CCDC171: variants seen among roughly 807,000 people sequenced by gnomAD.
The protein encoded by CCDC171 is coiled-coil domain containing 171.
In CCDC171, 177 loss-of-function variants were observed where a neutral mutation model predicts 168.2. The observed-to-expected ratio is 1.05, with a 90% CI of 0.93 to 1.19. CCDC171 has a LOEUF of 1.19. Ranked by LOEUF, CCDC171 falls within the 50% of genes most tolerant of loss-of-function variation. The pLI is 0.00. For missense variants in CCDC171, 1,991 were observed against 1,539.0 expected (o/e 1.29, Z -4.91); for synonymous variants, 687 against 540.8 (o/e 1.27, Z -3.75).
chr9:16,058,608 T>C (rs1833881091), intron 1 of CCDC171, among the ~76,000 whole-genome samples: 1 of 152,300 alleles, frequency 6.6e-6, no homozygotes, highest in South Asian at 2.1e-4. Flanking sequence ...ATTCAGAAAC[T>C]GGAGAAGCAG....
intron 7 of CCDC171, among the ~76,000 whole-genome samples, chr9:15,625,399 T>C (rs1215534436): frequency 6.6e-6 from 1 of 152,220 alleles, no homozygotes; most frequent in African/African-American, 2.4e-5. Flanking sequence ...CCCATGCCTA[T>C]GTCCTGAATG....
chr9:15,614,147 C>A (rs1313976890), intron 6 of CCDC171, among the ~76,000 whole-genome samples: 5 of 152,224 alleles, frequency 3.3e-5, no homozygotes, highest in Admixed American at 2.0e-4. Context: ...AGATGAGAGA[C>A]TGAGGCCTTC....
At chr9:15,796,166 A>G (rs2058546321) in intron 21 of CCDC171, among the ~76,000 whole-genome samples, 1 of 152,230 alleles carries the variant, frequency 6.6e-6, no homozygotes, top group South Asian at 2.1e-4. Flanking sequence ...AGGTATGAAT[A>G]GAAGTTGTAA....
Position 16,052,263 on chromosome 9 carries a change from G to C in CCDC171, n.90-8383G>C, listed in dbSNP as rs188433127. ...GCTCTGAGGAGGCCCTCTTGGTCCT[G>C]GTGTGATCCCTGCTGCTGTTTCTCC... On this transcript the variant is annotated intron_variant and non_coding_transcript_variant, in intron 1 of 1. Transcript: ENST00000478913. 2.0e-5 allele frequency among the ~76,000 whole-genome samples: 3 copies of C among 152,248 alleles called. No homozygotes were observed. The East Asian group carries it at 5.8e-4, about 29-fold the overall frequency.
chr9:15,789,914 C>G (rs2058165419), intron 21 of CCDC171, among the ~76,000 whole-genome samples: 1 of 152,122 alleles, frequency 6.6e-6, no homozygotes, highest in African/African-American at 2.4e-5. Context: ...ATCCATGTCC[C>G]TATAAAGGAC....
At chr9:16,010,722 T>C (rs962198688) in intron 3 of CCDC171, among the ~76,000 whole-genome samples, 1 of 148,498 alleles carries the variant, frequency 6.7e-6, no homozygotes, top group Admixed American at 6.9e-5. Flanking sequence ...TGTAGTGTTA[T>C]TTGGTATTCC....
At chr9:15,956,199 A>G (rs1422245213) in intron 25 of CCDC171, among the ~76,000 whole-genome samples, 2 of 152,180 alleles carry the variant, frequency 1.3e-5, no homozygotes, top group African/African-American at 4.8e-5. Context: ...TGTCTTTGAA[A>G]GCTTGGAGCA....
At chr9:15,673,529 C>A (rs900445297) in intron 9 of CCDC171, among the ~76,000 whole-genome samples, 1 of 152,124 alleles carries the variant, frequency 6.6e-6, no homozygotes, top group African/African-American at 2.4e-5. Flanking sequence ...TCCATCAATA[C>A]CTAGTTCATT....
At chr9:16,020,438 T>G (rs1833131775) in intron 3 of CCDC171, among the ~76,000 whole-genome samples, 1 of 152,220 alleles carries the variant, frequency 6.6e-6, no homozygotes, top group South Asian at 2.1e-4. Flanking sequence ...CTTTACAATT[T>G]CATGAAGAAA....
intron 21 of CCDC171, among the ~76,000 whole-genome samples, chr9:15,802,274 G>C (rs2058861844): frequency 6.6e-6 from 1 of 151,682 alleles, no homozygotes; most frequent in Middle Eastern, 3.4e-3. Context: ...TTAAGTTTAG[G>C]GGTACATGTG....
intron 1 of CCDC171, among the ~76,000 whole-genome samples, chr9:16,049,804 A>G (rs939522740): frequency 6.6e-5 from 10 of 152,192 alleles, no homozygotes; most frequent in African/African-American, 2.4e-4. Flanking sequence ...ATCTATATCA[A>G]TATCCTATTG....
chr9:15,636,180 C>G (rs1264223395), intron 7 of CCDC171, among the ~76,000 whole-genome samples: 1 of 151,904 alleles, frequency 6.6e-6, no homozygotes, highest in Non-Finnish European at 1.5e-5. Flanking sequence ...CTATAAGATG[C>G]TAACGATGGA....
At chr9:15,562,047 T>A (rs1166085121) in intron 1 of CCDC171, among the ~76,000 whole-genome samples, 1 of 151,946 alleles carries the variant, frequency 6.6e-6, no homozygotes, top group African/African-American at 2.4e-5. Flanking sequence ...CAGGCTGGAG[T>A]GCAGTGGCGC....
chr9:15,595,362 C>G (rs925057732), intron 6 of CCDC171, among the ~76,000 whole-genome samples: 1 of 152,054 alleles, frequency 6.6e-6, no homozygotes, highest in Admixed American at 6.6e-5. Context: ...TGTGTTCTCA[C>G]TGTTCAATTC....
intron 14 of CCDC171, among the ~76,000 whole-genome samples, chr9:15,726,582 G>GT (rs2053816785): frequency 6.6e-6 from 1 of 152,014 alleles, no homozygotes; most frequent in Non-Finnish European, 1.5e-5. Flanking sequence ...TCTTAAATTT[G>GT]TTGTTGTAAC....
intron 11 of CCDC171, among the ~76,000 whole-genome samples, chr9:15,712,697 C>T (rs559499335): frequency 6.6e-6 from 1 of 152,154 alleles, no homozygotes; most frequent in Non-Finnish European, 1.5e-5. Flanking sequence ...CAACCTGCCA[C>T]CAAGTTGCTA....
intron 24 of CCDC171, among the ~76,000 whole-genome samples, chr9:15,894,886 T>C (rs955876149): frequency 6.6e-6 from 1 of 152,142 alleles, no homozygotes; most frequent in Non-Finnish European, 1.5e-5. Flanking sequence ...AAATGTAAGA[T>C]CCAACAGGGC....
chr9:16,008,827 C>A (rs757691559), intron 3 of CCDC171, among the ~76,000 whole-genome samples: 7 of 152,142 alleles, frequency 4.6e-5, no homozygotes, highest in Admixed American at 1.3e-4. Flanking sequence ...TTAATTATCG[C>A]TGCCCTGGGT....
At chr9:15,710,710 C>G (rs1278214642) in intron 11 of CCDC171, among the ~76,000 whole-genome samples, 1 of 152,148 alleles carries the variant, frequency 6.6e-6, no homozygotes, top group Non-Finnish European at 1.5e-5. Flanking sequence ...ATTCTCCTGC[C>G]TCATCCTCCC....
Sources: gnomAD v4.1 joint callset for allele counts (sites outside exome capture counted in the v4.1 genomes callset) on GRCh38, gnomAD v4.1.1 for gene constraint, MANE v1.5 for transcripts, NCBI Gene and HGNC (gene_info 2026-07-23, HGNC 2026-07-21) for gene names.